Variants in XYLB observed in about 807,000 individuals in gnomAD.
The protein encoded by XYLB is xylulokinase.
Under a neutral mutation model 78.7 loss-of-function variants are expected in XYLB, and 62 were observed. That is an observed-to-expected ratio of 0.79 (90% CI 0.64 to 0.97). The LOEUF (loss-of-function observed/expected upper bound fraction) is 0.97, where lower values mean the gene tolerates loss of function less well. XYLB is among the 50% of genes least tolerant of loss of function. The pLI, the probability that XYLB is intolerant of heterozygous loss-of-function variation, is 0.00. For missense variants in XYLB, 687 were observed against 676.8 expected (o/e 1.02, Z -0.17); for synonymous variants, 245 against 247.4 (o/e 0.99, Z 0.09).
At chr3:38,437,543 G>C in the XYLB span, among the ~76,000 whole-genome samples, 1 of 152,146 alleles carries the variant, frequency 6.6e-6, no homozygotes, top group South Asian at 2.1e-4. Context: ...AAAACTCTTA[G>C]ATTTGATGAA....
chr3:38,370,240 G>GCACGCACACACACA (rs1673259057), intron 9 of XYLB, 66 bp downstream of exon 9: 1 of 583,300 alleles, frequency 1.7e-6, no homozygotes, highest in Non-Finnish European at 3.1e-6. Flanking sequence ...GCACTGTAGC[G>GCACGCACACACACA]CACACACACA....
chr3:38,376,392 T>G (rs952517650), intron 13 of XYLB, among the ~76,000 whole-genome samples, 160 bp downstream of exon 13: 1 of 152,148 alleles, frequency 6.6e-6, no homozygotes, highest in Non-Finnish European at 1.5e-5. Flanking sequence ...TACAAGCTGG[T>G]GTGGAACCCT....
chr3:38,388,144 G>A (rs560916176), intron 15 of XYLB, among the ~76,000 whole-genome samples: 176 of 148,162 alleles, frequency 1.2e-3, no homozygotes, highest in Non-Finnish European at 2.1e-3. Context: ...ATCAGGAAGT[G>A]CGGGTGAGGT....
chr3:38,391,693 T>A (rs896800801), intron 15 of XYLB, among the ~76,000 whole-genome samples: 3 of 152,132 alleles, frequency 2.0e-5, no homozygotes, highest in African/African-American at 7.2e-5. Context: ...ATGGAAGGTG[T>A]TTAGGTCATG....
chr3:38,447,882 T>C, the XYLB span, among the ~76,000 whole-genome samples: 1 of 152,000 alleles, frequency 6.6e-6, no homozygotes, highest in Non-Finnish European at 1.5e-5. Context: ...ATAAAGAAAA[T>C]GTAGTATATA....
Position 38,366,839 on chromosome 3 carries a change from A to G in XYLB, c.539A>G (p.Tyr180Cys), listed in dbSNP as rs750766033. The G allele has an allele frequency of 5.6e-6, 9 of 1,613,680 alleles. No individual in the cohort carries two copies. The highest frequency in any genetic ancestry group is 1.1e-5 in the South Asian group (1 of 91,066). ...ACAGGGAACCAAATTGCAAAAATTT[A>G]CCAGCAGAACCCCGAGGCCTACTCA... ...RFTGNQIAKI[Y>C]QQNPEAYSHT... The change falls in exon 7 of 19, where the codon TAC becomes TGC. Residue 180 changes from tyrosine (Y) to cysteine (C), a missense_variant. Transcript: ENST00000207870.
chr3:38,350,968 C>T (rs368752756), intron 2 of XYLB, among the ~76,000 whole-genome samples: 1 of 151,468 alleles, frequency 6.6e-6, no homozygotes, highest in Non-Finnish European at 1.5e-5. Flanking sequence ...ATGGTGAAAC[C>T]CTGTTTCTAC....
intron 2 of XYLB, among the ~76,000 whole-genome samples, chr3:38,353,038 C>T (rs544186165): frequency 1.6e-4 from 25 of 151,904 alleles, no homozygotes; most frequent in Non-Finnish European, 2.9e-4. Context: ...GCCAAGTTGT[C>T]GCTATTATTG....
chr3:38,346,836 G>C lies in XYLB; in HGVS notation c.-33G>C. On this transcript the variant is annotated 5_prime_UTR_variant, in exon 1 of 19. Coordinates refer to ENST00000207870, the MANE Select transcript of XYLB (RefSeq NM_005108.4). ...TATCACGCCGCGTGGCGGACGGACG[G>C]ACTGACGGACGCGCAGCCTTACCCG... is the stretch of plus-strand genomic sequence containing the variant. The C allele has an allele frequency of 6.7e-7, 1 of 1,490,802 alleles. No individual in the cohort carries two copies. The highest frequency in any genetic ancestry group is 8.9e-7 in the Non-Finnish European group (1 of 1,120,894). The allele number at this position is 1,490,802 out of a possible 1,614,324, so 92.3% of individuals were successfully genotyped here. A position where few individuals can be genotyped will look rare whatever the true frequency, so the allele number is the denominator to read the frequency against.
intron 18 of XYLB, 87 bp from the exon 19 acceptor site, chr3:38,412,849 G>A (rs1240769137): frequency 1.7e-6 from 2 of 1,158,644 alleles, no homozygotes; most frequent in African/African-American, 3.2e-5. Flanking sequence ...AAGTAAACGG[G>A]ATTTAAAAAT....
chr3:38,424,120 G>A (rs1278473643), downstream of XYLB, among the ~76,000 whole-genome samples: 1 of 152,194 alleles, frequency 6.6e-6, no homozygotes, highest in Non-Finnish European at 1.5e-5. Context: ...TGATTGAAAA[G>A]CAAGTGCATA....
At chr3:38,348,419 C>T (rs77800916) in intron 1 of XYLB, 131 bp from the exon 2 acceptor site, 17,259 of 739,698 alleles carry the variant, frequency 0.023, 312 homozygotes, top group African/African-American at 0.06. Context: ...TGAGGCAGCC[C>T]TGCCTTCAAG....
chr3:38,351,638 T>C (rs1249494461), intron 2 of XYLB, among the ~76,000 whole-genome samples: 1 of 152,200 alleles, frequency 6.6e-6, no homozygotes, highest in African/African-American at 2.4e-5. Flanking sequence ...AGTATTTCCA[T>C]GTCCTAAAAA....
intron 15 of XYLB, among the ~76,000 whole-genome samples, chr3:38,380,467 G>A (rs1399161365): frequency 6.6e-6 from 1 of 152,154 alleles, no homozygotes; most frequent in African/African-American, 2.4e-5. Flanking sequence ...TATAGCTGTT[G>A]TCATTAGAGA....
chr3:38,444,514 A>C, the XYLB span, among the ~76,000 whole-genome samples: 1 of 152,204 alleles, frequency 6.6e-6, no homozygotes, highest in Admixed American at 6.5e-5. Context: ...AAGCTTGGAC[A>C]TAAGGTATTT....
chr3:38,373,877 T>C (rs1192092257), intron 10 of XYLB, among the ~76,000 whole-genome samples: 1 of 152,106 alleles, frequency 6.6e-6, no homozygotes, highest in Non-Finnish European at 1.5e-5. Context: ...TTGTGAGCCA[T>C]GTGTGGTAGT....
At chr3:38,399,806 G>C (rs1165821478) in intron 17 of XYLB, among the ~76,000 whole-genome samples, 1 of 152,162 alleles carries the variant, frequency 6.6e-6, no homozygotes, top group African/African-American at 2.4e-5. Context: ...CCAAATCTTA[G>C]CTCACCAGTC....
chr3:38,363,122 T>G, intron 4 of XYLB, 105 bp downstream of exon 4: 1 of 810,298 alleles, frequency 1.2e-6, no homozygotes, highest in Non-Finnish European at 1.8e-6. Flanking sequence ...GGCTCATTCT[T>G]GACAGCCACT....
downstream of XYLB, among the ~76,000 whole-genome samples, chr3:38,416,111 T>C (rs75297202): frequency 6.6e-6 from 1 of 152,022 alleles, no homozygotes; most frequent in South Asian, 2.1e-4. Context: ...CAAGATGAGA[T>C]TTGGGTGGGG....
Sources: gnomAD v4.1 joint callset for allele counts (sites outside exome capture counted in the v4.1 genomes callset) on GRCh38, gnomAD v4.1.1 for gene constraint, MANE v1.5 for transcripts, NCBI Gene and HGNC (gene_info 2026-07-23, HGNC 2026-07-21) for gene names.